ACAT2: variants seen among roughly 807,000 people sequenced by gnomAD.
The protein encoded by ACAT2 is acetyl-CoA acetyltransferase, cytosolic.
In ACAT2, 26 loss-of-function variants were observed where a neutral mutation model predicts 37.1. The ratio of observed to expected loss-of-function variants is 0.70; its 90% confidence interval spans 0.51 to 0.97. The LOEUF (loss-of-function observed/expected upper bound fraction) is 0.97. Ranked by LOEUF, ACAT2 falls within the 50% of genes least tolerant of loss-of-function variation. ACAT2 has a pLI of 0.00. For synonymous variants in ACAT2, 156 were observed against 163.6 expected (o/e 0.95, Z 0.35); for missense variants, 468 against 489.0 (o/e 0.96, Z 0.40).
At chr6:159,773,798 C>T (rs1780374587) in intron 4 of ACAT2, among the ~76,000 whole-genome samples, 1 of 152,026 alleles carries the variant, frequency 6.6e-6, no homozygotes, top group East Asian at 1.9e-4. Flanking sequence ...TGTATGAGTC[C>T]ATCCTGATAT....
At chr6:159,766,211 A>G (rs912109880) in intron 2 of ACAT2, among the ~76,000 whole-genome samples, 4 of 152,198 alleles carry the variant, frequency 2.6e-5, no homozygotes, top group African/African-American at 9.7e-5. Flanking sequence ...AGCATAGTGT[A>G]ATGAATACTA....
chr6:159,775,983 A>G lies in ACAT2; in HGVS notation c.635-167A>G, dbSNP rs182317864. 7.1e-5 allele frequency: 49 copies of G among 689,168 alleles called. 2 individuals carry two copies. Among genetic ancestry groups the G allele is most frequent in the Admixed American group, 6.8e-4 (23 of 33,614 alleles). 42.7% of individuals were successfully genotyped at this position (689,168 alleles called of 1,614,324 possible). Reference sequence around the variant, plus strand: ...ATACTCATAAATTGTTTTCATGTACAATAATTCTTGTGTGTACTTTCCTCC... The same window carrying G: ...ATACTCATAAATTGTTTTCATGTACGATAATTCTTGTGTGTACTTTCCTCC... On this transcript the variant is annotated intron_variant, in intron 5 of 8. Coordinates refer to ENST00000367048, the MANE Select transcript of ACAT2 (RefSeq NM_005891.3).
intron 4 of ACAT2, among the ~76,000 whole-genome samples, chr6:159,771,650 C>T (rs982029881): frequency 1.0e-4 from 10 of 96,358 alleles, no homozygotes; most frequent in Non-Finnish European, 6.7e-5. Context: ...GACTCTGTCT[C>T]AAAAAAAAAA....
rs775554259 is a variant in ACAT2, at chr6:159,767,129, A to C, written c.315A>C (p.Ser105=). The change falls in exon 3 of 9, where the codon TCA becomes TCC. Residue 105 remains serine, a synonymous_variant. Coordinates refer to ENST00000367048, the MANE Select transcript of ACAT2 (RefSeq NM_005891.3). ...AAGCTGTGTGCCTTGCAGTCCAGTCAATAGGGATAGGAGACTCCAGCATTG... is the reference window on the plus strand; with the variant it reads ...AAGCTGTGTGCCTTGCAGTCCAGTCCATAGGGATAGGAGACTCCAGCATTG... ...GLKAVCLAVQ[S]IGIGDSSIVV... 1.2e-6 allele frequency: 2 copies of C among 1,614,104 alleles called. No homozygotes were observed. Among genetic ancestry groups the C allele is most frequent in the Admixed American group, 1.7e-5 (1 of 60,008 alleles).
At chr6:159,778,042 T>C (rs1780462361) in intron 7 of ACAT2, 128 bp from the exon 8 acceptor site, 1 of 615,188 alleles carries the variant, frequency 1.6e-6, no homozygotes, top group Admixed American at 3.2e-5. Flanking sequence ...GTCACTGTAT[T>C]AACCTAAGAA....
chr6:159,771,320 C>T (rs191402898), intron 4 of ACAT2, among the ~76,000 whole-genome samples: 1 of 152,104 alleles, frequency 6.6e-6, no homozygotes, highest in Non-Finnish European at 1.5e-5. Flanking sequence ...GCGGAGGTTG[C>T]GTTGAGCTGA....
rs12213252 is a variant in ACAT2, at chr6:159,778,238, C to G, written c.981C>G (p.Val327=). The change falls in exon 8 of 9, where the codon GTC becomes GTG. Residue 327 remains valine (V), a synonymous_variant. Coordinates refer to ENST00000367048, the MANE Select transcript of ACAT2 (RefSeq NM_005891.3). ...IFEINEAFAA[V]SAAIVKELGL... Reference sequence around the variant, plus strand: ...AAATCAATGAAGCCTTTGCAGCTGTCTCTGCTGCAATAGTTAAAGAACTTG... The same window carrying G: ...AAATCAATGAAGCCTTTGCAGCTGTGTCTGCTGCAATAGTTAAAGAACTTG... 2 of 1,611,728 alleles carry G rather than the reference C, an allele frequency of 1.2e-6. No individual in the cohort carries two copies. Among genetic ancestry groups the G allele is most frequent in the Admixed American group, 1.7e-5 (1 of 59,856 alleles).
chr6:159,766,270 C>T (rs191210039), intron 2 of ACAT2, among the ~76,000 whole-genome samples: 2 of 152,218 alleles, frequency 1.3e-5, no homozygotes, highest in East Asian at 3.9e-4. Context: ...TTTAAGTAAC[C>T]CTTTTTCTTC....
chr6:159,763,109 C>G (rs1196290767), intron 2 of ACAT2, 56 bp downstream of exon 2: 9 of 1,484,868 alleles, frequency 6.1e-6, no homozygotes, highest in South Asian at 1.3e-5. Flanking sequence ...CCCATAAACA[C>G]ACACACACAC....
intron 4 of ACAT2, among the ~76,000 whole-genome samples, chr6:159,770,825 G>A (rs1407992177): frequency 6.6e-6 from 1 of 152,188 alleles, no homozygotes; most frequent in African/African-American, 2.4e-5. Context: ...AGCACTTTGG[G>A]AGGCCAAGCC....
chr6:159,778,130 A>C (rs1290226995), intron 7 of ACAT2, 40 bp from the exon 8 acceptor site: 1 of 1,394,204 alleles, frequency 7.2e-7, no homozygotes, highest in Non-Finnish European at 1.0e-6. Context: ...TAGCCTTTCC[A>C]CCCAAGTTTA....
Position 159,762,101 on chromosome 6 carries a change from C to T in ACAT2, c.14C>T (p.Ser5Leu), listed in dbSNP as rs368548974. The change falls in exon 1 of 9, where the codon TCA becomes TTA. Residue 5 changes from serine to leucine, a missense_variant. By Grantham distance (145) the Ser-to-Leu change is moderately radical. Transcript: ENST00000367048. The part of the protein sequence containing the change: MNAG[S>L]DPVVIVSAAR... ...AGGAGAAGCAAGATGAATGCAGGCTCAGATCCTGTGGTCATCGTCTCGGCG... is the reference window on the plus strand; with the variant it reads ...AGGAGAAGCAAGATGAATGCAGGCTTAGATCCTGTGGTCATCGTCTCGGCG... 11 of 1,613,204 alleles carry T rather than the reference C, an allele frequency of 6.8e-6. No homozygotes were observed. In the African/African-American group the frequency reaches 1.2e-4, roughly 18 times the overall value.
intron 1 of ACAT2, 104 bp downstream of exon 1, chr6:159,762,246 C>G (rs1033529772): frequency 2.8e-6 from 4 of 1,406,600 alleles, no homozygotes; most frequent in Middle Eastern, 2.5e-4. Flanking sequence ...TGGAGGAAGC[C>G]GGTCAGGCCA....
At chr6:159,762,847 C>A in intron 1 of ACAT2, 72 bp from the exon 2 acceptor site, 2 of 1,597,328 alleles carry the variant, frequency 1.3e-6, no homozygotes, top group East Asian at 2.2e-5. Flanking sequence ...TCATGAGGCT[C>A]CCCTGCTCGT....
At chr6:159,774,246 G>T (rs1780380691) in intron 4 of ACAT2, among the ~76,000 whole-genome samples, 1 of 152,164 alleles carries the variant, frequency 6.6e-6, no homozygotes, top group Non-Finnish European at 1.5e-5. Context: ...ACTCGCCCAT[G>T]TTCTTCAAAA....
chr6:159,778,120 T>TA (rs758714953), intron 7 of ACAT2, 50 bp from the exon 8 acceptor site: 8 of 1,269,332 alleles, frequency 6.3e-6, no homozygotes, highest in Non-Finnish European at 7.9e-6. Flanking sequence ...GGTTTAACTT[T>TA]AGCCTTTCCA....
At chr6:159,769,604 A>G (rs1780305492) in intron 4 of ACAT2, among the ~76,000 whole-genome samples, 1 of 152,368 alleles carries the variant, frequency 6.6e-6, no homozygotes, top group African/African-American at 2.4e-5. Flanking sequence ...GAAAATATAT[A>G]AAGCCACTGT....
rs761031025 is a variant in ACAT2, at chr6:159,768,640, A to G, written c.490+12A>G. On this transcript the variant is annotated intron_variant, in intron 4 of 8. Coordinates refer to ENST00000367048, the MANE Select transcript of ACAT2 (RefSeq NM_005891.3). ...TATGGGTATTACAGGTAAGGCAGAC[A>G]TGGCTGAAACTGTATTAGCTTTAAA... 2.5e-5 allele frequency: 39 copies of G among 1,565,106 alleles called. No homozygotes were observed. Among genetic ancestry groups the G allele is most frequent in the Admixed American group, 1.2e-4 (7 of 59,932 alleles).
chr6:159,762,859 G>T, intron 1 of ACAT2, 60 bp from the exon 2 acceptor site: 1 of 1,598,000 alleles, frequency 6.3e-7, no homozygotes, highest in South Asian at 1.1e-5. Context: ...CCTGCTCGTA[G>T]GTGGTTCCCG....
Sources: allele counts gnomAD v4.1 joint callset (sites outside exome capture counted in the v4.1 genomes callset), GRCh38; gene constraint gnomAD v4.1.1; transcripts MANE v1.5; gene names NCBI Gene and HGNC (gene_info 2026-07-23, HGNC 2026-07-21).